Variants in KRT24 observed in about 807,000 individuals in gnomAD.
The protein encoded by KRT24 is keratin 24, also known as keratin, type I cytoskeletal 24.
KRT24 carries 44 observed loss-of-function variants against 51.7 expected under a neutral mutation model. That is an observed-to-expected ratio of 0.85 (90% CI 0.67 to 1.09). KRT24 has a LOEUF of 1.09. Among genes scored for constraint, KRT24 ranks in the 50% least tolerant of loss-of-function variants. The pLI, the probability that KRT24 is intolerant of heterozygous loss-of-function variation, is 0.00. For synonymous variants in KRT24, 241 were observed against 249.5 expected, an observed-to-expected ratio of 0.97 and a Z score of 0.32; for missense variants, 633 against 647.0, an observed-to-expected ratio of 0.98 and a Z score of 0.24.
Position 40,698,240 on chromosome 17 carries a change from T to C in KRT24, c.1575A>G (p.Lys525=), listed in dbSNP as rs1390045287. 1.2e-6 allele frequency: 2 copies of C among 1,602,986 alleles called. No individual in the cohort carries two copies. Among genetic ancestry groups the C allele is most frequent in the Non-Finnish European group, 1.7e-6 (2 of 1,170,380 alleles). The change falls in exon 8 of 8, where the codon AAA becomes AAG. Residue 525 remains lysine, a synonymous_variant. Transcript: ENST00000264651. ...QVSSISEVKV[K] ...CTTTTGTTGATCTGGAAGTTCCTTA[T>C]TTAACTTTCACCTCAGAAATACTGC...
chr17:40,699,543 G>C lies in KRT24; in HGVS notation c.1262C>G (p.Thr421Ser). 6.2e-7 allele frequency: 1 copy of C among 1,613,892 alleles called. No homozygotes were observed. Among genetic ancestry groups the C allele is most frequent in the Non-Finnish European group, 8.5e-7 (1 of 1,179,820 alleles). Residue 421 changes from threonine to serine, a missense_variant, in exon 6 of 8, where the codon ACT becomes AGT. Coordinates refer to ENST00000264651, the MANE Select transcript of KRT24 (RefSeq NM_019016.3). ...EEEICQIWGE[T>S]KCQNAEYKQL... ...CTTGTACTCTGCGTTCTGGCATTTAGTCTCACCCCAGATCTGGCAGATCTC... is the reference window on the plus strand; with the variant it reads ...CTTGTACTCTGCGTTCTGGCATTTACTCTCACCCCAGATCTGGCAGATCTC...
Position 40,698,349 on chromosome 17 carries a change from C to T in KRT24, c.1475-9G>A. On this transcript the variant is annotated splice_polypyrimidine_tract_variant and intron_variant, in intron 7 of 7. Transcript: ENST00000264651. Reference sequence around the variant, plus strand: ...TCTAGTCTTGCTTGAATCTGAAAATCATGGGATTGCAATGTCAGTCTGGAA... The same window carrying T: ...TCTAGTCTTGCTTGAATCTGAAAATTATGGGATTGCAATGTCAGTCTGGAA... 1 of 1,549,262 alleles carries T rather than the reference C, an allele frequency of 6.5e-7. No individual in the cohort carries two copies. Among genetic ancestry groups the T allele is most frequent in the Non-Finnish European group, 8.9e-7 (1 of 1,121,908 alleles).
chr17:40,701,935 T>TA lies in KRT24; in HGVS notation c.616-3dup. The TA allele has an allele frequency of 3.3e-6, 5 of 1,517,998 alleles. No homozygotes were observed. Among genetic ancestry groups the TA allele is most frequent in the East Asian group, 2.4e-5 (1 of 40,818 alleles). 94.0% of individuals were successfully genotyped at this position (1,517,998 alleles called of 1,614,324 possible). On this transcript the variant is annotated splice_region_variant and splice_polypyrimidine_tract_variant and intron_variant, in intron 1 of 7. Transcript: ENST00000264651. ...ATTTTCAACAGTGGCAGCAATGATC[T>TA]AAAAAAGATGTTAATAGTGAGTGAA... is the stretch of plus-strand genomic sequence containing the variant.
At chr17:40,700,483 G>GA (rs2037664215) in intron 3 of KRT24, 100 bp from the exon 4 acceptor site, 2 of 804,226 alleles carry the variant, frequency 2.5e-6, no homozygotes, top group South Asian at 2.4e-5. Flanking sequence ...GACACTGAAA[G>GA]GAAAAAAAAA....
chr17:40,698,288 G>A lies in KRT24; in HGVS notation c.1527C>T (p.Gly509=). ...TKTIVEELVD[G]KVVSSQVSSI... is the part of the protein sequence containing the mutation. ...TGCTGACTTGAGACGAGACAACCTT[G>A]CCATCCACCAACTCCTCTACGATAG... Residue 509 remains glycine (G), a synonymous_variant, in exon 8 of 8, where the codon GGC becomes GGT. Transcript: ENST00000264651. 6.2e-7 allele frequency: 1 copy of A among 1,613,500 alleles called. No homozygotes were observed. Among genetic ancestry groups the A allele is most frequent in the Non-Finnish European group, 8.5e-7 (1 of 1,179,630 alleles).
At chr17:40,698,684 G>A in intron 6 of KRT24, 34 bp from the exon 7 acceptor site, 4 of 1,105,302 alleles carry the variant, frequency 3.6e-6, no homozygotes, top group East Asian at 2.3e-5. Flanking sequence ...TTCCTTTGCA[G>A]TTTGCAAAGG....
In KRT24 at chr17:40,699,512, C is replaced by G. The variant is rs1473259364; in HGVS notation, c.1293G>C (p.Leu431Phe). ...TKCQNAEYKQLLDIKTRLEVE... is the reference protein window; with the variant it reads ...TKCQNAEYKQFLDIKTRLEVE... ...CCTCCAGGCGTGTCTTGATGTCCAG[C>G]AATTGCTTGTACTCTGCGTTCTGGC... The change falls in exon 6 of 8, where the codon TTG becomes TTC. Residue 431 changes from leucine (L) to phenylalanine (F), a missense_variant. Physicochemically the swap from Leu to Phe is conservative, Grantham distance 22 (BLOSUM62 0). Coordinates refer to ENST00000264651, the MANE Select transcript of KRT24 (RefSeq NM_019016.3). 11 of 1,614,004 alleles carry G rather than the reference C, an allele frequency of 6.8e-6. No homozygotes were observed. In the South Asian group the frequency reaches 8.8e-5, roughly 13 times the overall value.
chr17:40,701,145 C>A lies in KRT24; in HGVS notation c.850G>T (p.Glu284Ter), dbSNP rs775417089. The A allele has an allele frequency of 1.9e-6, 3 of 1,613,722 alleles. No individual in the cohort carries two copies. Among genetic ancestry groups the A allele is most frequent in the South Asian group, 1.1e-5 (1 of 90,976 alleles). ...EELAYLRKNH[E>*]EEMKNMQGSS... ...TATGTAGAACATGTTCCTACCTCCT[C>A]GTGGTTCTTCCTCAGGTAGGCTAGC... The change falls in exon 3 of 8, where the codon GAG becomes TAG. Residue 284 changes from glutamate (E) to a stop codon, truncating the protein, a stop_gained. Coordinates refer to ENST00000264651, the MANE Select transcript of KRT24 (RefSeq NM_019016.3). LOFTEE classifies it high-confidence loss of function.
At position 40,700,223 on chromosome 17, in the gene KRT24, T is replaced by A. The variant is rs759451226; in HGVS notation, c.1016A>T (p.Gln339Leu). Residue 339 changes from glutamine (Q) to leucine (L), a missense_variant and splice_region_variant, in exon 4 of 8, where the codon CAG (glutamine) becomes CTG (leucine). Coordinates refer to ENST00000264651, the MANE Select transcript of KRT24 (RefSeq NM_019016.3). ...AGGTGCTCAGCAGAGAGGATCTACC[T>A]GCTTGTTGAACCGCTCCTCAGCCTC... Reference protein sequence around the residue: ...RREAEERFNKQSASLQAQIST... With the variant: ...RREAEERFNKLSASLQAQIST... The A allele has an allele frequency of 3.7e-6, 6 of 1,614,132 alleles. No homozygotes were observed. The Middle Eastern group carries it at 5.0e-4, about 133-fold the overall frequency.
intron 3 of KRT24, among the ~76,000 whole-genome samples, chr17:40,700,833 T>C (rs925929573): frequency 6.6e-6 from 1 of 152,074 alleles, no homozygotes; most frequent in Non-Finnish European, 1.5e-5. Context: ...GAAATCCTGA[T>C]CTCATGATCT....
In KRT24 at chr17:40,703,614, A is replaced by G; in HGVS notation, c.80T>C (p.Phe27Ser). The change falls in exon 1 of 8, where the codon TTC becomes TCC. Residue 27 changes from phenylalanine (F) to serine (S), a missense_variant. By Grantham distance (155) the Phe-to-Ser change is radical. Transcript: ENST00000264651. Reference sequence around the variant, plus strand: ...CAGACCACATCTGCTTCCACTGCTGAAGCTGCTTCCACCAGCAGACACCCT... The same window carrying G: ...CAGACCACATCTGCTTCCACTGCTGGAGCTGCTTCCACCAGCAGACACCCT... ...SARVSAGGSSFSSGSRCGLGG... is the reference protein window; with the variant it reads ...SARVSAGGSSSSSGSRCGLGG... The G allele has an allele frequency of 6.2e-7, 1 of 1,611,966 alleles. No individual in the cohort carries two copies. The highest frequency in any genetic ancestry group is 8.5e-7 in the Non-Finnish European group (1 of 1,179,252).
chr17:40,701,340 TG>T, intron 2 of KRT24, 44 bp from the exon 3 acceptor site: 1 of 1,566,310 alleles, frequency 6.4e-7, no homozygotes, highest in Non-Finnish European at 8.7e-7. Flanking sequence ...TGAGCTCACC[TG>T]GCCGTGTTTC....
chr17:40,703,157 A>AT lies in KRT24; in HGVS notation c.536dup (p.Tyr179Ter). ...ENKIKEWYDK[Y>*]GPGSGDGGSG... ...ATCCACCGTCTCCAGACCCAGGCCC[A>AT]TATTTGTCATACCACTCCTTGATTT... The change falls in exon 1 of 8, where the codon TAT becomes TAAT. Residue 179 changes from tyrosine (Y) to a stop codon, truncating the protein, a stop_gained and frameshift_variant. Coordinates refer to ENST00000264651, the MANE Select transcript of KRT24 (RefSeq NM_019016.3). LOFTEE classifies it high-confidence loss of function. The AT allele has an allele frequency of 6.2e-7, 1 of 1,614,090 alleles. No homozygotes were observed. Among genetic ancestry groups the AT allele is most frequent in the East Asian group, 2.2e-5 (1 of 44,878 alleles).
At position 40,698,248 on chromosome 17, in the gene KRT24, T is replaced by G. The variant is rs2037629053; in HGVS notation, c.1567A>C (p.Lys523Gln). Residue 523 changes from lysine (K) to glutamine (Q), a missense_variant, in exon 8 of 8, where the codon AAA (lysine) becomes CAA (glutamine). Physicochemically the swap from Lys to Gln is moderately conservative, Grantham distance 53 (BLOSUM62 1). Coordinates refer to ENST00000264651, the MANE Select transcript of KRT24 (RefSeq NM_019016.3). ...SSQVSSISEV[K>Q]VK ...GATCTGGAAGTTCCTTATTTAACTT[T>G]CACCTCAGAAATACTGCTGACTTGA... 6.2e-7 allele frequency: 1 copy of G among 1,608,842 alleles called. No individual in the cohort carries two copies. The highest frequency in any genetic ancestry group is 1.3e-5 in the African/African-American group (1 of 74,834).
At chr17:40,700,649 A>G (rs1022753814) in intron 3 of KRT24, among the ~76,000 whole-genome samples, 1 of 151,574 alleles carries the variant, frequency 6.6e-6, no homozygotes, top group Non-Finnish European at 1.5e-5. Flanking sequence ...GCTGGAGTGC[A>G]GTGGCTTGAT....
Position 40,698,206 on chromosome 17 carries a change from TGAAAGACAC to T in KRT24, c.*22_*30del. 1 of 1,361,032 alleles carries T rather than the reference TGAAAGACAC, an allele frequency of 7.3e-7. No homozygotes were observed. The highest frequency in any genetic ancestry group is 1.0e-6 in the Non-Finnish European group (1 of 952,400). 84.3% of individuals were successfully genotyped at this position (1,361,032 alleles called of 1,614,324 possible). A position where few individuals can be genotyped will look rare whatever the true frequency, so the allele number is the denominator to read the frequency against. On this transcript the variant is annotated 3_prime_UTR_variant, in exon 8 of 8. Transcript: ENST00000264651. The stretch of plus-strand genomic sequence containing the variant: ...GTGTCCTTCTTGATTTTTTTTTCTT[TGAAAGACAC>T]TTTTGTTGATCTGGAAGTTCCTTAT...
rs1423711134 is a variant in KRT24, at chr17:40,703,191, A to T, written c.503T>A (p.Leu168Gln). 1.2e-6 allele frequency: 2 copies of T among 1,613,990 alleles called. No homozygotes were observed. Among genetic ancestry groups the T allele is most frequent in the Non-Finnish European group, 1.7e-6 (2 of 1,180,024 alleles). ...VRALEEANTD[L>Q]ENKIKEWYDK... The stretch of plus-strand genomic sequence containing the variant: ...ATACCACTCCTTGATTTTGTTCTCC[A>T]GATCAGTGTTAGCCTCCTCCAGGGC... The change falls in exon 1 of 8, where the codon CTG becomes CAG. Residue 168 changes from leucine to glutamine, a missense_variant. By Grantham distance (113) the Leu-to-Gln change is moderately radical (BLOSUM62 -2). Transcript: ENST00000264651.
intron 6 of KRT24, among the ~76,000 whole-genome samples, chr17:40,699,185 AT>A (rs2144071271): frequency 6.6e-6 from 1 of 151,642 alleles, no homozygotes; most frequent in East Asian, 2.0e-4. Flanking sequence ...CCTCCAGCTA[AT>A]TTTTTAAAAA....
chr17:40,703,663 T>C lies in KRT24; in HGVS notation c.31A>G (p.Arg11Gly). The change falls in exon 1 of 8, where the codon AGG becomes GGG. Residue 11 changes from arginine (R) to glycine (G), a missense_variant. Physicochemically the swap from Arg to Gly is moderately radical, Grantham distance 125. Transcript: ENST00000264651. ...CTGGCTGAGCTGCTGCCTCCAGCCC[T>C]GGAGGAGGAGGCGCGAGACGAGCAA... Reference protein sequence around the residue: MSCSSRASSSRAGGSSSARVS... With the variant: MSCSSRASSSGAGGSSSARVS... The C allele has an allele frequency of 6.3e-7, 1 of 1,587,328 alleles. No homozygotes were observed. Among genetic ancestry groups the C allele is most frequent in the Non-Finnish European group, 8.6e-7 (1 of 1,168,238 alleles).
Sources: allele counts gnomAD v4.1 joint callset (sites outside exome capture counted in the v4.1 genomes callset), GRCh38; gene constraint gnomAD v4.1.1; transcripts MANE v1.5; gene names NCBI Gene and HGNC (gene_info 2026-07-23, HGNC 2026-07-21).